The following NRXN1 variants were observed in gnomAD, a reference collection of about 807,000 sequenced individuals.
NRXN1 encodes neurexin-1.
A neutral mutation model predicts 150.9 loss-of-function variants in NRXN1; 39 were observed. The ratio of observed to expected loss-of-function variants is 0.26; its 90% confidence interval spans 0.20 to 0.34. NRXN1 has a LOEUF of 0.34. Among genes scored for constraint, NRXN1 ranks in the 10% least tolerant of loss-of-function variants. The probability of loss-of-function intolerance (pLI) is 1.00; values close to 1 mark genes in which losing one functional copy is unlikely to be tolerated. For missense variants in NRXN1, 1,815 were observed against 1,949.9 expected (o/e 0.93, Z 1.30); for synonymous variants, 924 against 757.0 (o/e 1.22, Z -3.62).
intron 13 of NRXN1, among the ~76,000 whole-genome samples, chr2:50,498,245 A>G (rs540791673): frequency 6.6e-6 from 1 of 152,280 alleles, no homozygotes; most frequent in Admixed American, 6.5e-5. Flanking sequence ...TTCTTCCAGT[A>G]ATGAAACATG....
chr2:50,499,428 A>G (rs1008524243), intron 13 of NRXN1, among the ~76,000 whole-genome samples: 1 of 152,090 alleles, frequency 6.6e-6, no homozygotes, highest in Non-Finnish European at 1.5e-5. Context: ...CTGATTGTCT[A>G]TCTGATGCAA....
At chr2:50,490,866 T>G (rs1008746069) in intron 15 of NRXN1, among the ~76,000 whole-genome samples, 1 of 152,206 alleles carries the variant, frequency 6.6e-6, no homozygotes, top group African/African-American at 2.4e-5. Context: ...TGAAAGGGTT[T>G]CTTGTCTGTC....
chr2:50,390,043 TTCTTCG>T (rs1234602726), intron 17 of NRXN1, among the ~76,000 whole-genome samples: 1 of 152,176 alleles, frequency 6.6e-6, no homozygotes, highest in African/African-American at 2.4e-5. Context: ...TTTATATACT[TTCTTCG>T]TCTTAAATAG....
chr2:50,598,600 G>A (rs536223015), intron 8 of NRXN1, among the ~76,000 whole-genome samples: 10 of 147,112 alleles, frequency 6.8e-5, no homozygotes, highest in South Asian at 2.1e-4. Flanking sequence ...ATATATGCGC[G>A]TGTATATATA....
intron 19 of NRXN1, among the ~76,000 whole-genome samples, chr2:50,084,847 A>G (rs1321075679): frequency 6.6e-6 from 1 of 152,250 alleles, no homozygotes; most frequent in Non-Finnish European, 1.5e-5. Context: ...GTCTGATAAT[A>G]TATCATTTCT....
chr2:50,513,733 G>C (rs6713061), intron 12 of NRXN1, among the ~76,000 whole-genome samples: 130,387 of 152,040 alleles, frequency 0.86, 56,268 homozygotes, highest in African/African-American at 0.94. Context: ...TCAAGCAATG[G>C]AAGCAAAGAC....
intron 5 of NRXN1, among the ~76,000 whole-genome samples, chr2:50,898,892 G>C (rs1351728982): frequency 6.6e-6 from 1 of 151,518 alleles, no homozygotes; most frequent in Non-Finnish European, 1.5e-5. Flanking sequence ...AGTCATACTA[G>C]ATTTTGAATG....
At chr2:50,023,746 A>G in intron 21 of NRXN1, 1 of 152,188 alleles carries the variant, frequency 6.6e-6, no homozygotes, top group Non-Finnish European at 1.5e-5. Context: ...GTATGTAAGT[A>G]CCAAAATCAT....
intron 2 of NRXN1, among the ~76,000 whole-genome samples, chr2:50,986,275 G>A (rs1036279482): frequency 1.1e-4 from 16 of 151,624 alleles, no homozygotes; most frequent in African/African-American, 3.4e-4. Context: ...CTCTTGTAAC[G>A]TAAATTGGCA....
chr2:50,832,379 C>T (rs1045238801), intron 5 of NRXN1, among the ~76,000 whole-genome samples: 3 of 152,062 alleles, frequency 2.0e-5, no homozygotes, highest in African/African-American at 4.8e-5. Flanking sequence ...GGGCCAGGTG[C>T]GGTGGCTCAC....
chr2:50,509,954 C>A (rs142763313), intron 12 of NRXN1, among the ~76,000 whole-genome samples: 168 of 152,218 alleles, frequency 1.1e-3, no homozygotes, highest in African/African-American at 3.9e-3. Context: ...AGAAGTGGAA[C>A]AAACACCAGA....
intron 17 of NRXN1, among the ~76,000 whole-genome samples, chr2:50,280,932 A>T (rs953674526): frequency 6.6e-6 from 1 of 152,136 alleles, no homozygotes; most frequent in Non-Finnish European, 1.5e-5. Context: ...ATGTTTCAAA[A>T]GGGTGAAAAA....
rs182104998 is a variant in NRXN1 at position 50,934,347 on chromosome 2, C to T, written c.773-8392G>A. The stretch of plus-strand genomic sequence containing the variant: ...CTTTTCCTATAAACATTTTACCTTA[C>T]TAATAATAGGCATTAAATAAATTAT... On this transcript the variant is annotated intron_variant, in intron 2 of 22. Transcript: ENST00000401669. 1.5e-3 allele frequency among the ~76,000 whole-genome samples: 223 copies of T among 152,268 alleles called. 3 individuals carry two copies. Among genetic ancestry groups the T allele is most frequent in the African/African-American group, 5.1e-3 (212 of 41,578 alleles).
chr2:50,958,615 T>A (rs937382453), intron 2 of NRXN1, among the ~76,000 whole-genome samples: 1 of 152,128 alleles, frequency 6.6e-6, no homozygotes, highest in Non-Finnish European at 1.5e-5. Context: ...GCCTTTTCTG[T>A]ATGCAAGATA....
chr2:51,021,166 T>C lies in NRXN1; in HGVS notation c.772+6336A>G, dbSNP rs531295943. Among the ~76,000 whole-genome samples, 4 of 152,098 alleles carry C rather than the reference T, an allele frequency of 2.6e-5. No homozygotes were observed. The East Asian group carries it at 7.7e-4, about 29-fold the overall frequency. ...TAATAAACCAAAAAACTTTAAAAAA[T>C]ATAAAAATAATTTATTCTGAATTAC... On this transcript the variant is annotated intron_variant, in intron 2 of 22. Transcript: ENST00000401669.
intron 17 of NRXN1, among the ~76,000 whole-genome samples, chr2:50,301,835 A>G (rs1019989954): frequency 1.3e-5 from 2 of 152,178 alleles, no homozygotes; most frequent in Non-Finnish European, 2.9e-5. Context: ...AGTGCCAGGG[A>G]CCAAATGTTT....
chr2:50,412,245 CT>C (rs2083241424), intron 17 of NRXN1, among the ~76,000 whole-genome samples: 1 of 151,870 alleles, frequency 6.6e-6, no homozygotes, highest in South Asian at 2.1e-4. Flanking sequence ...CTGACCTTCC[CT>C]CCACTATTGT....
At chr2:50,947,998 T>A (rs567690525) in intron 2 of NRXN1, among the ~76,000 whole-genome samples, 1 of 151,954 alleles carries the variant, frequency 6.6e-6, no homozygotes, top group South Asian at 2.1e-4. Flanking sequence ...TATCTCAAAA[T>A]ACATTAAAAA....
intron 17 of NRXN1, among the ~76,000 whole-genome samples, chr2:50,288,373 A>C (rs2072472288): frequency 6.6e-6 from 1 of 152,124 alleles, no homozygotes; most frequent in Non-Finnish European, 1.5e-5. Context: ...TACACAGCAA[A>C]GAATTACCCA....
Sources: gnomAD v4.1 joint callset for allele counts (sites outside exome capture counted in the v4.1 genomes callset) on GRCh38, gnomAD v4.1.1 for gene constraint, MANE v1.5 for transcripts, NCBI Gene and HGNC (gene_info 2026-07-23, HGNC 2026-07-21) for gene names.